VPS35L: variants seen among roughly 807,000 people sequenced by gnomAD.
The protein encoded by VPS35L is VPS35 endosomal protein-sorting factor-like.
Under a neutral mutation model 133.0 loss-of-function variants are expected in VPS35L, and 83 were observed. That is an observed-to-expected ratio of 0.62 (90% CI 0.52 to 0.75). The LOEUF (loss-of-function observed/expected upper bound fraction) is 0.75, where lower values mean the gene tolerates loss of function less well. VPS35L is among the 30% of genes least tolerant of loss of function. The pLI is 0.00. For synonymous variants in VPS35L, 423 were observed against 449.9 expected, an observed-to-expected ratio of 0.94 and a Z score of 0.76; for missense variants, 1,083 against 1,206.8, an observed-to-expected ratio of 0.90 and a Z score of 1.52.
intron 12 of VPS35L, among the ~76,000 whole-genome samples, chr16:19,612,867 G>A (rs56666260): frequency 0.012 from 1,760 of 152,294 alleles, 34 homozygotes; most frequent in African/African-American, 0.04. Context: ...TGACAATGAG[G>A]AGAAGATGCA....
chr16:19,569,336 A>T, intron 2 of VPS35L, 88 bp from the exon 3 acceptor site: 1 of 1,457,480 alleles, frequency 6.9e-7, no homozygotes, highest in Non-Finnish European at 9.6e-7. Flanking sequence ...CCATTCAACT[A>T]CCAGAATGGG....
intron 29 of VPS35L, among the ~76,000 whole-genome samples, chr16:19,695,647 C>T (rs1432049039): frequency 6.6e-6 from 1 of 151,892 alleles, no homozygotes; most frequent in Non-Finnish European, 1.5e-5. Context: ...AACCCCATCT[C>T]TAAAAAAATT....
chr16:19,668,478 C>T (rs1337824046), intron 26 of VPS35L, among the ~76,000 whole-genome samples: 1 of 152,122 alleles, frequency 6.6e-6, no homozygotes, highest in Non-Finnish European at 1.5e-5. Flanking sequence ...TTTTCTTCCT[C>T]TCTTACTCCC....
intron 14 of VPS35L, among the ~76,000 whole-genome samples, chr16:19,623,513 C>T (rs137965753): frequency 0.012 from 1,787 of 152,118 alleles, 35 homozygotes; most frequent in African/African-American, 0.04. Flanking sequence ...AGATATAATT[C>T]AGTCCGTGAC....
chr16:19,565,429 G>A (rs1367316118), intron 2 of VPS35L, among the ~76,000 whole-genome samples: 1 of 152,086 alleles, frequency 6.6e-6, no homozygotes, highest in South Asian at 2.1e-4. Flanking sequence ...GGCAACCTCT[G>A]CCTCCCAGGT....
Position 19,700,582 on chromosome 16 carries a change from C to CTT in VPS35L, c.*110_*111dup. On this transcript the variant is annotated 3_prime_UTR_variant, in exon 31 of 31. Coordinates refer to ENST00000417362, the MANE Select transcript of VPS35L (RefSeq NM_020314.7). ...AATTTAGGTTTCTCATTTTTCTTTT[C>CTT]TTTTTACATATGTACAAATTGTTTT... The CTT allele has an allele frequency of 1.1e-6, 1 of 930,650 alleles. No individual in the cohort carries two copies. 57.6% of individuals were successfully genotyped at this position (930,650 alleles called of 1,614,324 possible).
At chr16:19,692,432 GGTTATTCAGAGCC>G (rs1343138567) in intron 29 of VPS35L, among the ~76,000 whole-genome samples, 1 of 152,160 alleles carries the variant, frequency 6.6e-6, no homozygotes, top group African/African-American at 2.4e-5. Context: ...GCTCAGAGAG[GGTTATTCAGAGCC>G]GTTGATATTT....
rs1354995285 is a variant in VPS35L, at chr16:19,631,364, T to C, written c.1554+1544T>C. Among the ~76,000 whole-genome samples the C allele has an allele frequency of 2.6e-5, 4 of 152,118 alleles. No individual in the cohort carries two copies. The East Asian group carries it at 7.7e-4, about 29-fold the overall frequency. On this transcript the variant is annotated intron_variant, in intron 18 of 30. Coordinates refer to ENST00000417362, the MANE Select transcript of VPS35L (RefSeq NM_020314.7). ...AGTGACCCCGCAGAACCCCCAGAACTGCCTCTCCCTGTCACAACAGCCTTT... is the reference window on the plus strand; with the variant it reads ...AGTGACCCCGCAGAACCCCCAGAACCGCCTCTCCCTGTCACAACAGCCTTT...
chr16:19,575,042 C>T, intron 4 of VPS35L, 56 bp from the exon 5 acceptor site: 12 of 1,454,516 alleles, frequency 8.3e-6, no homozygotes, highest in South Asian at 2.5e-5. Context: ...TGTTGGAAAA[C>T]AATGAACATA....
chr16:19,569,648 G>A (rs1388439394), intron 3 of VPS35L, 57 bp downstream of exon 3: 1 of 1,461,968 alleles, frequency 6.8e-7, no homozygotes, highest in Non-Finnish European at 9.1e-7. Context: ...GTGCAGGAAT[G>A]GGTGGTTTTC....
chr16:19,679,665 C>T lies in VPS35L; in HGVS notation c.2362-2560C>T, dbSNP rs141452239. On this transcript the variant is annotated intron_variant, in intron 27 of 30. Transcript: ENST00000417362. ...GATTACAGGCGCACACCACCACACCCGGCTAATTTTTGCATTTTTAGTAGA... is the reference window on the plus strand; with the variant it reads ...GATTACAGGCGCACACCACCACACCTGGCTAATTTTTGCATTTTTAGTAGA... Among the ~76,000 whole-genome samples, 352 of 151,946 alleles carry T rather than the reference C, an allele frequency of 2.3e-3. 2 individuals are homozygous for T. Among genetic ancestry groups the T allele is most frequent in the African/African-American group, 7.8e-3 (325 of 41,460 alleles).
intron 26 of VPS35L, among the ~76,000 whole-genome samples, chr16:19,668,959 C>T (rs1974784533): frequency 6.6e-6 from 1 of 152,338 alleles, no homozygotes; most frequent in East Asian, 1.9e-4. Flanking sequence ...AACAGAGGTT[C>T]TCTGAGCTGA....
At chr16:19,656,031 G>A (rs1974285192) in intron 26 of VPS35L, among the ~76,000 whole-genome samples, 1 of 152,042 alleles carries the variant, frequency 6.6e-6, no homozygotes, top group Non-Finnish European at 1.5e-5. Flanking sequence ...GGGAGGTTGA[G>A]GTGGGCGGAT....
rs1012357738 is a variant in VPS35L at position 19,691,412 on chromosome 16, C to A, written c.2587C>A (p.Leu863Met). The part of the protein sequence containing the change: ...DSKFLAENNK[L>M]CETVMAQILE... Reference sequence around the variant, plus strand: ...CAAGTTCCTGGCAGAAAACAACAAGCTGTGTGAGACGGTGATGGCTCAGAT... The same window carrying A: ...CAAGTTCCTGGCAGAAAACAACAAGATGTGTGAGACGGTGATGGCTCAGAT... The change falls in exon 29 of 31, where the codon CTG (leucine) becomes ATG (methionine). Residue 863 changes from leucine (L) to methionine (M), a missense_variant. Transcript: ENST00000417362. 9 of 1,614,094 alleles carry A rather than the reference C, an allele frequency of 5.6e-6. No homozygotes were observed. The highest frequency in any genetic ancestry group is 7.6e-6 in the Non-Finnish European group (9 of 1,179,960).
In VPS35L at chr16:19,647,801, T is replaced by C. The variant is rs1413551737; in HGVS notation, c.1947T>C (p.Asp649=). The change falls in exon 24 of 31, where the codon GAT becomes GAC. Residue 649 remains aspartate, a synonymous_variant. Coordinates refer to ENST00000417362, the MANE Select transcript of VPS35L (RefSeq NM_020314.7). ...GATTCTAGGTTTCCTTTGGCCGTGA[T>C]TTTGAACAACAGCTGAGTTTTTATG... ...GFIKMVSFGR[D]FEQQLSFYVE... 2.2e-5 allele frequency: 35 copies of C among 1,614,032 alleles called. No individual in the cohort carries two copies. Among genetic ancestry groups the C allele is most frequent in the Non-Finnish European group, 2.9e-5 (34 of 1,180,018 alleles).
chr16:19,679,159 G>C (rs1185390620), intron 27 of VPS35L, among the ~76,000 whole-genome samples: 2 of 149,288 alleles, frequency 1.3e-5, no homozygotes, highest in Non-Finnish European at 3.0e-5. Flanking sequence ...GGGGAGGCGG[G>C]GGGGCGGGGA....
In VPS35L at chr16:19,628,643, CT is replaced by C; in HGVS notation, c.1395del (p.Arg466AspfsTer5). The C allele has an allele frequency of 6.4e-7, 1 of 1,561,328 alleles. No individual in the cohort carries two copies. The highest frequency in any genetic ancestry group is 1.8e-5 in the Admixed American group (1 of 56,930). On this transcript the variant is annotated frameshift_variant, in exon 17 of 31. Transcript: ENST00000417362. LOFTEE classifies it high-confidence loss of function. ...GGTTTGACATGTTTCTTAGCATCTT[CT>C]TTTTCGATCACTGGGATTAAACTTG... Reference protein sequence around the residue: ...CDESGFPKHLLFRSLGLNLAL... With the variant: ...CDESGFPKHLXFRSLGLNLAL...
Position 19,699,706 on chromosome 16 carries a change from C to G in VPS35L, c.2793+58C>G. On this transcript the variant is annotated intron_variant, in intron 30 of 30. Transcript: ENST00000417362. The surrounding 1 kb of genome is among the most constrained non-coding windows in gnomAD (Gnocchi z 4.2). ...CCACTGGCCAGTGCACAACCACCCT[C>G]AACACAGCATTGTGGCCTGGACATC... 1 of 1,598,590 alleles carries G rather than the reference C, an allele frequency of 6.3e-7. No individual in the cohort carries two copies.
At chr16:19,615,103 T>C (rs73535631) in intron 12 of VPS35L, among the ~76,000 whole-genome samples, 4,648 of 152,308 alleles carry the variant, frequency 0.031, 230 homozygotes, top group African/African-American at 0.1. Context: ...CAAGCTGACT[T>C]TCTCACGTAC....
Sources: gnomAD v4.1 joint callset for allele counts (sites outside exome capture counted in the v4.1 genomes callset) on GRCh38, gnomAD v4.1.1 for gene constraint, Gnocchi (gnomAD v3.1) non-coding constraint, MANE v1.5 for transcripts, NCBI Gene and HGNC (gene_info 2026-07-23, HGNC 2026-07-21) for gene names.